CCDC38: variants seen among roughly 807,000 people sequenced by gnomAD.
CCDC38 encodes coiled-coil domain-containing protein 38.
A neutral mutation model predicts 72.8 loss-of-function variants in CCDC38; 69 were observed. The observed-to-expected ratio is 0.95, with a 90% CI of 0.78 to 1.16. CCDC38 has a LOEUF of 1.16. Among genes scored for constraint, CCDC38 ranks in the 50% most tolerant of loss-of-function variants. CCDC38 has a pLI of 0.00. For synonymous variants in CCDC38, 201 were observed against 213.2 expected, an observed-to-expected ratio of 0.94 and a Z score of 0.50; for missense variants, 626 against 638.9, an observed-to-expected ratio of 0.98 and a Z score of 0.22.
At chr12:95,880,492 A>T (rs1190593076) in intron 11 of CCDC38, among the ~76,000 whole-genome samples, 1 of 152,182 alleles carries the variant, frequency 6.6e-6, no homozygotes, top group African/African-American at 2.4e-5. Context: ...CGACTCTACT[A>T]GAAATACAAA....
intron 2 of CCDC38, among the ~76,000 whole-genome samples, chr12:95,935,773 T>A (rs992364127): frequency 6.6e-6 from 1 of 152,174 alleles, no homozygotes; most frequent in Non-Finnish European, 1.5e-5. Flanking sequence ...TAATTCCTTG[T>A]ATGCTCATAA....
intron 15 of CCDC38, among the ~76,000 whole-genome samples, chr12:95,869,021 T>C (rs774564697): frequency 7.9e-5 from 12 of 152,158 alleles, no homozygotes; most frequent in Non-Finnish European, 1.5e-4. Flanking sequence ...TTCCTAGTTA[T>C]CATTAGTAAG....
chr12:95,894,625 C>G (rs571882434), intron 8 of CCDC38, among the ~76,000 whole-genome samples: 1 of 152,110 alleles, frequency 6.6e-6, no homozygotes, highest in East Asian at 1.9e-4. Flanking sequence ...CTCCTTGCAC[C>G]ATGTGGTCTC....
chr12:95,873,253 C>A (rs2079600933), intron 13 of CCDC38, among the ~76,000 whole-genome samples: 1 of 152,152 alleles, frequency 6.6e-6, no homozygotes, highest in Non-Finnish European at 1.5e-5. Context: ...AGAGCAGGAG[C>A]TACATCTTAT....
intron 4 of CCDC38, among the ~76,000 whole-genome samples, chr12:95,916,359 T>A (rs1427071424): frequency 2.9e-5 from 4 of 138,648 alleles, no homozygotes; most frequent in Non-Finnish European, 6.5e-5. Flanking sequence ...CCAGAGAAAA[T>A]TTTTTTAAGT....
chr12:95,894,867 A>G, intron 8 of CCDC38, 122 bp downstream of exon 8: 1 of 790,714 alleles, frequency 1.3e-6, no homozygotes, highest in Non-Finnish European at 2.0e-6. Context: ...AATAACAGAG[A>G]TAGTGAAAAT....
intron 9 of CCDC38, among the ~76,000 whole-genome samples, chr12:95,889,897 C>CTTTA (rs10672045): frequency 0.13 from 19,626 of 150,314 alleles, 1,469 homozygotes; most frequent in South Asian, 0.25. Context: ...GCTTATTTTA[C>CTTTA]TTTATTTATT....
At chr12:95,933,969 T>C (rs1030571487) in intron 2 of CCDC38, 6 of 152,068 alleles carry the variant, frequency 3.9e-5, no homozygotes, top group Admixed American at 3.9e-4. Flanking sequence ...AACCCGAGAA[T>C]TCAAGACCAG....
chr12:95,929,202 G>C (rs368474938), intron 2 of CCDC38, among the ~76,000 whole-genome samples: 2 of 152,230 alleles, frequency 1.3e-5, no homozygotes, highest in Non-Finnish European at 2.9e-5. Flanking sequence ...CTCTGTGGGC[G>C]TAGGACCCTC....
intron 4 of CCDC38, among the ~76,000 whole-genome samples, chr12:95,914,510 A>C (rs1031291824): frequency 6.6e-6 from 1 of 152,190 alleles, no homozygotes; most frequent in Non-Finnish European, 1.5e-5. Context: ...ATTTCAAAAC[A>C]AATTCAAGCC....
intron 10 of CCDC38, among the ~76,000 whole-genome samples, chr12:95,884,898 C>T (rs1039234608): frequency 1.3e-5 from 2 of 152,170 alleles, no homozygotes; most frequent in Non-Finnish European, 2.9e-5. Flanking sequence ...AGGTCATGTA[C>T]ATAGTACCAT....
chr12:95,887,448 C>A lies in CCDC38; in HGVS notation c.920+1010G>T, dbSNP rs1289022392. ...AAAAAGGATCCAACTACTGATAGAC[C>A]AAACAACTTAAGTGAATCTCCAGAG... On this transcript the variant is annotated intron_variant, in intron 10 of 15. Transcript: ENST00000344280. Among the ~76,000 whole-genome samples the A allele has an allele frequency of 2.0e-5, 3 of 152,152 alleles. No individual in the cohort carries two copies. In the East Asian group the frequency reaches 5.8e-4, roughly 29 times the overall value.
intron 5 of CCDC38, among the ~76,000 whole-genome samples, chr12:95,901,824 G>T (rs1005025945): frequency 7.9e-5 from 12 of 152,210 alleles, no homozygotes; most frequent in Non-Finnish European, 1.6e-4. Flanking sequence ...AACCCTGATG[G>T]AAGTGGATTT....
At chr12:95,906,525 T>A (rs1046510846) in intron 4 of CCDC38, 74 bp from the exon 5 acceptor site, 8 of 1,034,902 alleles carry the variant, frequency 7.7e-6, no homozygotes, top group Non-Finnish European at 1.2e-5. Context: ...AAAAGCCATA[T>A]AATTAAATTA....
At chr12:95,928,739 G>A (rs564139926) in intron 2 of CCDC38, among the ~76,000 whole-genome samples, 40 of 152,286 alleles carry the variant, frequency 2.6e-4, no homozygotes, top group African/African-American at 9.1e-4. Flanking sequence ...TTTTCTGTTT[G>A]TTAGTTTTCC....
chr12:95,867,932 T>C (rs544063587), intron 15 of CCDC38, among the ~76,000 whole-genome samples: 2 of 152,232 alleles, frequency 1.3e-5, no homozygotes, highest in Non-Finnish European at 2.9e-5. Context: ...ACAATTCTTA[T>C]GTGAGATTGT....
chr12:95,883,407 C>T (rs747494740), intron 10 of CCDC38, among the ~76,000 whole-genome samples: 2 of 152,134 alleles, frequency 1.3e-5, no homozygotes, highest in African/African-American at 2.4e-5. Context: ...ACTCCTTGAG[C>T]CTCTCCCCCT....
chr12:95,907,767 G>C (rs896536045), intron 4 of CCDC38, among the ~76,000 whole-genome samples: 1 of 151,084 alleles, frequency 6.6e-6, no homozygotes, highest in Non-Finnish European at 1.5e-5. Flanking sequence ...TCTCAGACGA[G>C]GTGGCCAGGC....
At chr12:95,871,718 C>T (rs73227786) in intron 14 of CCDC38, among the ~76,000 whole-genome samples, 136 of 66,078 alleles carry the variant, frequency 2.1e-3, no homozygotes, top group Non-Finnish European at 3.9e-3. Context: ...TTATACACTG[C>T]GGAAAACCCT....
Sources: gnomAD v4.1 joint callset for allele counts (sites outside exome capture counted in the v4.1 genomes callset) on GRCh38, gnomAD v4.1.1 for gene constraint, MANE v1.5 for transcripts, NCBI Gene and HGNC (gene_info 2026-07-23, HGNC 2026-07-21) for gene names.